Variants in DEPTOR observed in about 807,000 individuals in gnomAD.
DEPTOR encodes the protein DEP domain-containing mTOR-interacting protein.
DEPTOR carries 41 observed loss-of-function variants against 41.6 expected under a neutral mutation model. The observed-to-expected ratio is 0.98, with a 90% confidence interval of 0.77 to 1.28. The LOEUF is 1.28. Ranked by LOEUF, DEPTOR falls within the 50% of genes most tolerant of loss-of-function variation. The pLI is 0.00. For synonymous variants in DEPTOR, 195 were observed against 192.3 expected (o/e 1.01, Z -0.12); for missense variants, 514 against 527.9 (o/e 0.97, Z 0.26).
intron 3 of DEPTOR, among the ~76,000 whole-genome samples, chr8:119,941,465 T>A (rs1281083735): frequency 6.6e-6 from 1 of 151,964 alleles, no homozygotes; most frequent in African/African-American, 2.4e-5. Flanking sequence ...ATCAATATTT[T>A]AAAACACACA....
intron 8 of DEPTOR, among the ~76,000 whole-genome samples, chr8:120,013,316 G>A (rs190950724): frequency 5.8e-4 from 88 of 152,158 alleles, no homozygotes; most frequent in African/African-American, 1.8e-3. Context: ...ATGTCCTTCC[G>A]TATAGTTTAG....
At chr8:119,929,160 C>T (rs1232891453) in intron 2 of DEPTOR, among the ~76,000 whole-genome samples, 3 of 152,188 alleles carry the variant, frequency 2.0e-5, no homozygotes, top group East Asian at 3.9e-4. Flanking sequence ...CTGTTACTCT[C>T]AGTGGGTTCA....
intron 8 of DEPTOR, among the ~76,000 whole-genome samples, chr8:120,015,180 G>A (rs7386139): frequency 0.81 from 123,164 of 152,120 alleles, 49,923 homozygotes; most frequent in Middle Eastern, 0.82. Flanking sequence ...TCCGGGCCCT[G>A]CTTATCATAC....
intron 1 of DEPTOR, chr8:119,891,219 T>C (rs1414698543): frequency 8.9e-6 from 1 of 112,554 alleles, no homozygotes; most frequent in African/African-American, 2.7e-5. Flanking sequence ...CAGGGTGGTA[T>C]GGCTGTAGAC....
At chr8:120,040,205 A>G (rs1017418718) in intron 8 of DEPTOR, among the ~76,000 whole-genome samples, 10 of 152,218 alleles carry the variant, frequency 6.6e-5, no homozygotes, top group African/African-American at 2.2e-4. Flanking sequence ...GAGGCAGTTA[A>G]TGCTCATGGT....
At chr8:119,902,530 C>G (rs11987628) in intron 1 of DEPTOR, among the ~76,000 whole-genome samples, 7 of 151,752 alleles carry the variant, frequency 4.6e-5, no homozygotes, top group Admixed American at 2.0e-4. Context: ...GTAGAGATGG[C>G]GTTTTACTAT....
rs1813208161 is a variant in DEPTOR at position 120,049,767 on chromosome 8, A to G, written c.*63A>G. ...GAGGGAAGCCAGAATGACACAAAGC[A>G]ATGCAAAGACAAGATTGCCATGCAA... On this transcript the variant is annotated 3_prime_UTR_variant, in exon 9 of 9. Transcript: ENST00000286234. 2 of 1,591,980 alleles carry G rather than the reference A, an allele frequency of 1.3e-6. No homozygotes were observed. Among genetic ancestry groups the G allele is most frequent in the Non-Finnish European group, 1.7e-6 (2 of 1,166,686 alleles).
intron 4 of DEPTOR, among the ~76,000 whole-genome samples, chr8:119,973,288 G>T (rs1041595963): frequency 7.9e-5 from 12 of 151,930 alleles, no homozygotes; most frequent in Non-Finnish European, 1.6e-4. Context: ...AGGCTGGAGT[G>T]CAATGACATG....
chr8:119,935,373 G>A (rs189828330), intron 3 of DEPTOR, among the ~76,000 whole-genome samples: 1 of 152,164 alleles, frequency 6.6e-6, no homozygotes, highest in East Asian at 1.9e-4. Context: ...GGTAGAAAGG[G>A]TTTTGAGTGC....
In DEPTOR at chr8:120,050,011, T is replaced by G. The variant is rs1187925519; in HGVS notation, c.*307T>G. On this transcript the variant is annotated 3_prime_UTR_variant, in exon 9 of 9. Coordinates refer to ENST00000286234, the MANE Select transcript of DEPTOR (RefSeq NM_022783.4). ...TTTATCTTAGTTTGCAGAAAGGTGT[T>G]GAAATGCTTCTCTAGCCCAAACAGC... is the stretch of plus-strand genomic sequence containing the variant. 1.5e-5 allele frequency: 3 copies of G among 200,000 alleles called. No individual in the cohort carries two copies. Among genetic ancestry groups the G allele is most frequent in the Non-Finnish European group, 3.0e-5 (3 of 98,552 alleles). 12.4% of individuals were successfully genotyped at this position (200,000 alleles called of 1,614,324 possible).
chr8:119,908,100 G>A (rs557703218), intron 1 of DEPTOR, among the ~76,000 whole-genome samples: 2 of 152,254 alleles, frequency 1.3e-5, no homozygotes, highest in South Asian at 2.1e-4. Context: ...AGTGGAGGCC[G>A]AAGGAGTCCG....
chr8:119,914,574 G>C (rs982731030), intron 1 of DEPTOR, among the ~76,000 whole-genome samples: 4 of 151,842 alleles, frequency 2.6e-5, no homozygotes, highest in African/African-American at 9.7e-5. Flanking sequence ...CTAGTAGCTG[G>C]GATTACAGGT....
chr8:119,935,996 G>GTTTTTTTTT (rs1201688321), intron 3 of DEPTOR, among the ~76,000 whole-genome samples: 3 of 102,770 alleles, frequency 2.9e-5, no homozygotes, highest in African/African-American at 1.1e-4. Context: ...CATTAGTCTA[G>GTTTTTTTTT]TTGTTTTTTT....
intron 8 of DEPTOR, among the ~76,000 whole-genome samples, chr8:120,020,271 G>A (rs1224619837): frequency 5.9e-5 from 9 of 152,094 alleles, no homozygotes; most frequent in East Asian, 1.9e-4. Context: ...TAGTAGAGAC[G>A]GGGTTTCACC....
intron 1 of DEPTOR, among the ~76,000 whole-genome samples, chr8:119,877,934 T>G (rs560071551): frequency 6.6e-6 from 1 of 152,230 alleles, no homozygotes; most frequent in South Asian, 2.1e-4. Context: ...TTTTTTTGTT[T>G]GTGTTTTGTT....
intron 3 of DEPTOR, among the ~76,000 whole-genome samples, chr8:119,951,953 A>G (rs943041499): frequency 1.3e-5 from 2 of 152,172 alleles, no homozygotes; most frequent in Admixed American, 6.6e-5. Flanking sequence ...CCTGGGCAAC[A>G]TGGCAAAACC....
At chr8:119,944,907 G>T (rs1586626668) in intron 3 of DEPTOR, among the ~76,000 whole-genome samples, 1 of 152,118 alleles carries the variant, frequency 6.6e-6, no homozygotes, top group East Asian at 1.9e-4. Flanking sequence ...GCCCACCTCA[G>T]CCTCCCAAAG....
At chr8:120,013,160 G>A (rs12546902) in intron 8 of DEPTOR, among the ~76,000 whole-genome samples, 42,230 of 111,206 alleles carry the variant, frequency 0.38, 6,298 homozygotes, top group South Asian at 0.51. Flanking sequence ...GTCTCAAAAA[G>A]AAAAAAAAAA....
chr8:119,956,881 C>A (rs1828425499), intron 3 of DEPTOR, among the ~76,000 whole-genome samples: 1 of 151,770 alleles, frequency 6.6e-6, no homozygotes, highest in Non-Finnish European at 1.5e-5. Flanking sequence ...ATTATAGGCA[C>A]CCACCACCAC....
Sources: gnomAD v4.1 joint callset for allele counts (sites outside exome capture counted in the v4.1 genomes callset) on GRCh38, gnomAD v4.1.1 for gene constraint, MANE v1.5 for transcripts, NCBI Gene and HGNC (gene_info 2026-07-23, HGNC 2026-07-21) for gene names.